The following OR3A2 variants were observed in gnomAD, a reference collection of about 807,000 sequenced individuals.
OR3A2 encodes the protein olfactory receptor 3A2.
For missense variants in OR3A2, 318 were observed against 392.8 expected (o/e 0.81, Z 1.61); for synonymous variants, 126 against 159.3 (o/e 0.79, Z 1.57).
intron 3 of OR3A2, among the ~76,000 whole-genome samples, chr17:3,293,337 T>A (rs1374725598): frequency 2.0e-5 from 3 of 152,144 alleles, no homozygotes; most frequent in Non-Finnish European, 4.4e-5. Context: ...AGATAAAGCA[T>A]AAAACTGGAG....
At chr17:3,318,446 C>T (rs545155467) in intron 3 of OR3A2, among the ~76,000 whole-genome samples, 4 of 152,284 alleles carry the variant, frequency 2.6e-5, no homozygotes, top group African/African-American at 9.6e-5. Flanking sequence ...ACGAGAATGC[C>T]TGGGCATGAG....
intron 3 of OR3A2, chr17:3,291,885 G>A (rs2048872568): frequency 4.3e-6 from 7 of 1,614,120 alleles, no homozygotes; most frequent in African/African-American, 2.7e-5. Flanking sequence ...GCCCTCTACA[G>A]AGCGAATTCG....
At chr17:3,370,023 C>T (rs986840070) in intron 2 of OR3A2, among the ~76,000 whole-genome samples, 6 of 151,986 alleles carry the variant, frequency 3.9e-5, no homozygotes, top group African/African-American at 1.2e-4. Context: ...AGGCTGGTCT[C>T]GAACTCATGA....
intron 3 of OR3A2, among the ~76,000 whole-genome samples, chr17:3,318,837 A>G (rs564993197): frequency 6.6e-6 from 1 of 152,298 alleles, no homozygotes; most frequent in South Asian, 2.1e-4. Flanking sequence ...TGTACCACCA[A>G]TTCAGTGCGA....
At chr17:3,360,913 C>T (rs912003268) in intron 2 of OR3A2, among the ~76,000 whole-genome samples, 9 of 151,488 alleles carry the variant, frequency 5.9e-5, no homozygotes, top group Admixed American at 5.3e-4. Context: ...TCCTTTTTGG[C>T]TCCATATGAA....
chr17:3,311,793 A>G lies in OR3A2; in HGVS notation c.-85+24240T>C. ...GTTACATGTGTCTGGGCTCAGTCTCAGCCTCAGACAAAGATAAGGGGATTG... is the reference window on the plus strand; with the variant it reads ...GTTACATGTGTCTGGGCTCAGTCTCGGCCTCAGACAAAGATAAGGGGATTG... On this transcript the variant is annotated intron_variant, in intron 3 of 4. Coordinates refer to the OR3A2 transcript ENST00000573491. The surrounding 1 kb of genome is among the most constrained non-coding windows in gnomAD (Gnocchi z 4.6). 4.9e-6 allele frequency: 1 copy of G among 204,178 alleles called. No individual in the cohort carries two copies. Among genetic ancestry groups the G allele is most frequent in the South Asian group, 9.8e-5 (1 of 10,242 alleles). 12.6% of individuals were successfully genotyped at this position (204,178 alleles called of 1,614,324 possible).
At chr17:3,335,896 T>C (rs2049272070) in intron 3 of OR3A2, 133 bp downstream of exon 2, 1 of 152,174 alleles carries the variant, frequency 6.6e-6, no homozygotes, top group South Asian at 2.1e-4. Flanking sequence ...CACCTCCTAA[T>C]TTGGATTCAG....
intron 3 of OR3A2, among the ~76,000 whole-genome samples, chr17:3,324,841 G>C (rs1298747379): frequency 6.6e-6 from 1 of 152,092 alleles, no homozygotes; most frequent in Non-Finnish European, 1.5e-5. Flanking sequence ...CCCGTTCTCA[G>C]ATCTCAAGCT....
rs149637155 is a variant in OR3A2 at position 3,345,055 on chromosome 17, T to C, written c.-178-8929A>G. ...CAAGAAGAATAAAATGATTGTTTTT[T>C]AAAAGGCAAGCAGGGGAAGATAAGA... On this transcript the variant is annotated intron_variant, in intron 2 of 4. Transcript: ENST00000573491. Among the ~76,000 whole-genome samples the C allele has an allele frequency of 1.4e-3, 211 of 152,282 alleles. 1 individual carries two copies. The Middle Eastern group carries it at 0.031, about 22-fold the overall frequency.
At chr17:3,281,916 C>A (rs560839853) in intron 1 of OR3A2, among the ~76,000 whole-genome samples, 2 of 152,158 alleles carry the variant, frequency 1.3e-5, no homozygotes, top group South Asian at 4.2e-4. Flanking sequence ...TTGGTGGTAC[C>A]TGGGTATGGG....
At chr17:3,329,962 G>C (rs1419825959) in intron 3 of OR3A2, among the ~76,000 whole-genome samples, 14 of 145,086 alleles carry the variant, frequency 9.6e-5, no homozygotes, top group South Asian at 2.2e-4. Context: ...CCTTCATTTC[G>C]TTATGTATCC....
At chr17:3,325,843 T>C (rs1185099128) in intron 3 of OR3A2, among the ~76,000 whole-genome samples, 4 of 152,056 alleles carry the variant, frequency 2.6e-5, no homozygotes, top group African/African-American at 7.3e-5. Flanking sequence ...GTTTATTACA[T>C]AGGTAGATGT....
intron 2 of OR3A2, among the ~76,000 whole-genome samples, chr17:3,372,028 G>A (rs1313633728): frequency 4.5e-5 from 5 of 112,196 alleles, no homozygotes; most frequent in Admixed American, 1.8e-4. Flanking sequence ...CTTCTCATAC[G>A]GGGCGGCTGC....
intron 3 of OR3A2, among the ~76,000 whole-genome samples, chr17:3,302,998 C>A (rs746715200): frequency 2.0e-5 from 3 of 152,014 alleles, no homozygotes; most frequent in Non-Finnish European, 4.4e-5. Context: ...GAGAAATCAA[C>A]CAAAATAACA....
chr17:3,314,525 G>A lies in OR3A2; in HGVS notation c.-85+21508C>T, dbSNP rs377195795. On this transcript the variant is annotated intron_variant, in intron 3 of 4. Transcript: ENST00000573491. The stretch of plus-strand genomic sequence containing the variant: ...AACATGTGTATGGGCTGAAAATCCT[G>A]GAGGAAAACCCGTAAGCTGCACACG... Among the ~76,000 whole-genome samples the A allele has an allele frequency of 8.7e-4, 133 of 152,226 alleles. 5 individuals carry two copies. In the South Asian group the frequency reaches 0.015, roughly 17 times the overall value.
chr17:3,341,431 C>T (rs981094334), intron 2 of OR3A2, among the ~76,000 whole-genome samples: 2 of 152,072 alleles, frequency 1.3e-5, no homozygotes, highest in African/African-American at 4.8e-5. Flanking sequence ...TTAGTGTTTC[C>T]TTCAGGAGCT....
intron 2 of OR3A2, among the ~76,000 whole-genome samples, chr17:3,371,288 C>G (rs1286114314): frequency 6.6e-6 from 1 of 151,460 alleles, no homozygotes; most frequent in Non-Finnish European, 1.5e-5. Context: ...GCTGGCCGGG[C>G]AGAGGGGCTC....
chr17:3,313,417 G>C (rs1020516662), intron 3 of OR3A2, among the ~76,000 whole-genome samples: 3 of 152,200 alleles, frequency 2.0e-5, no homozygotes, highest in African/African-American at 7.2e-5. Flanking sequence ...TCCCAGCTGG[G>C]ACCCATGCCA....
At chr17:3,302,300 A>G (rs2048971721) in intron 3 of OR3A2, among the ~76,000 whole-genome samples, 1 of 152,228 alleles carries the variant, frequency 6.6e-6, no homozygotes, top group Non-Finnish European at 1.5e-5. Flanking sequence ...TTCCTAAGCC[A>G]AAAGAACAAA....
Sources: allele counts gnomAD v4.1 joint callset (sites outside exome capture counted in the v4.1 genomes callset), GRCh38; gene constraint gnomAD v4.1.1; non-coding constraint Gnocchi (gnomAD v3.1); transcripts MANE v1.5; gene names NCBI Gene and HGNC (gene_info 2026-07-23, HGNC 2026-07-21).